Variants in MYLK3 observed in about 807,000 individuals in gnomAD.
MYLK3 encodes myosin light chain kinase 3.
Under a neutral mutation model 76.3 loss-of-function variants are expected in MYLK3, and 55 were observed. That is an observed-to-expected ratio of 0.72 (90% confidence interval 0.58 to 0.90). MYLK3 has a LOEUF of 0.90. Ranked by LOEUF, MYLK3 falls within the 40% of genes least tolerant of loss-of-function variation. The pLI is 0.00. For missense variants in MYLK3, 973 were observed against 1,053.6 expected, an observed-to-expected ratio of 0.92 and a Z score of 1.06; for synonymous variants, 416 against 425.4, an observed-to-expected ratio of 0.98 and a Z score of 0.27.
At position 46,702,956 on chromosome 16, in the gene MYLK3, TAAA is replaced by T. The variant is rs35322648; in HGVS notation, c.*4745_*4747del. Among the ~76,000 whole-genome samples the T allele has an allele frequency of 4.1e-4, 52 of 126,000 alleles. No individual in the cohort carries two copies. Among genetic ancestry groups the T allele is most frequent in the Admixed American group, 6.7e-4 (8 of 11,866 alleles). The allele number at this position is 126,000 out of a possible 152,430, so 82.7% of individuals were successfully genotyped here. A position where few individuals can be genotyped will look rare whatever the true frequency, so the allele number is the denominator to read the frequency against. ...AAAAAAAAGGAATACATGCTCATTG[TAAA>T]AAAAAAAAAAAAAAAGATTCAAAAG... On this transcript the variant is annotated 3_prime_UTR_variant, in exon 13 of 13. Transcript: ENST00000394809.
chr16:46,710,565 G>C, intron 11 of MYLK3, 72 bp downstream of exon 11: 2 of 1,549,348 alleles, frequency 1.3e-6, no homozygotes, highest in Non-Finnish European at 1.8e-6. Flanking sequence ...TTCACGGTCA[G>C]CAGTCCTGCC....
At chr16:46,715,206 T>C (rs1966724590) in intron 9 of MYLK3, among the ~76,000 whole-genome samples, 1 of 152,270 alleles carries the variant, frequency 6.6e-6, no homozygotes. Flanking sequence ...TAATTCTTAC[T>C]AATGGCTGTG....
At chr16:46,728,952 G>A (rs1382024186) in intron 7 of MYLK3, 72 bp downstream of exon 7, 9 of 1,119,372 alleles carry the variant, frequency 8.0e-6, no homozygotes, top group Admixed American at 7.2e-5. Context: ...GCTTTGCCTC[G>A]AATGAAGGCT....
rs551968898 is a variant in MYLK3 at position 46,740,144 on chromosome 16, T to C, written c.481A>G (p.Lys161Glu). Residue 161 changes from lysine (K) to glutamate (E), a missense_variant, in exon 2 of 13, where the codon AAA becomes GAA. Transcript: ENST00000394809. ...GSPGDSPEEN[K>E]ERVEEEGGKP... is the part of the protein sequence containing the mutation. ...CCTCCCTCTTCTTCCACTCGCTCTTTATTCTAAAATAACAACCATAAAAAA... is the reference window on the plus strand; with the variant it reads ...CCTCCCTCTTCTTCCACTCGCTCTTCATTCTAAAATAACAACCATAAAAAA... 1 of 1,613,204 alleles carries C rather than the reference T, an allele frequency of 6.2e-7. No individual in the cohort carries two copies. Among genetic ancestry groups the C allele is most frequent in the South Asian group, 1.1e-5 (1 of 91,032 alleles).
At chr16:46,719,801 T>C (rs1361867446) in intron 9 of MYLK3, among the ~76,000 whole-genome samples, 1 of 152,106 alleles carries the variant, frequency 6.6e-6, no homozygotes, top group African/African-American at 2.4e-5. Context: ...CCATGGGTAG[T>C]GTGGCACCCC....
At position 46,737,777 on chromosome 16, in the gene MYLK3, C is replaced by T; in HGVS notation, c.935G>A (p.Cys312Tyr). The change falls in exon 3 of 13, where the codon TGC (cysteine) becomes TAC (tyrosine). Residue 312 changes from cysteine (C) to tyrosine (Y), a missense_variant. Coordinates refer to ENST00000394809, the MANE Select transcript of MYLK3 (RefSeq NM_182493.3). The part of the protein sequence containing the change: ...TRLTPGPGPQ[C>Y]PGPPGLPAQA... Reference sequence around the variant, plus strand: ...GGCTGGCAGCCCTGGAGGCCCTGGGCACTGAGGGCCAGGCCCTGGAGTCAG... The same window carrying T: ...GGCTGGCAGCCCTGGAGGCCCTGGGTACTGAGGGCCAGGCCCTGGAGTCAG... 6.2e-7 allele frequency: 1 copy of T among 1,611,730 alleles called. No homozygotes were observed. The highest frequency in any genetic ancestry group is 1.1e-5 in the South Asian group (1 of 91,002).
At chr16:46,731,348 T>C (rs749432284) in intron 4 of MYLK3, among the ~76,000 whole-genome samples, 3 of 152,252 alleles carry the variant, frequency 2.0e-5, no homozygotes, top group Non-Finnish European at 4.4e-5. Context: ...TTTAGGGTTG[T>C]TTTATTTTAA....
chr16:46,711,031 C>A (rs924264897), intron 10 of MYLK3: 13 of 510,012 alleles, frequency 2.5e-5, no homozygotes, highest in Middle Eastern at 1.1e-3. Flanking sequence ...CTTGTGCTCA[C>A]CTCTTTCCAC....
At chr16:46,727,501 A>G in intron 7 of MYLK3, 124 bp from the exon 8 acceptor site, 1 of 1,045,198 alleles carries the variant, frequency 9.6e-7, no homozygotes, top group Non-Finnish European at 1.3e-6. Flanking sequence ...CATGGGTCAC[A>G]GGGCTGCTGC....
At chr16:46,743,745 C>A (rs1005785272) in intron 1 of MYLK3, among the ~76,000 whole-genome samples, 1 of 151,920 alleles carries the variant, frequency 6.6e-6, no homozygotes, top group African/African-American at 2.4e-5. Context: ...AGTGCTCTTA[C>A]AAATCAATAA....
intron 1 of MYLK3, among the ~76,000 whole-genome samples, chr16:46,744,534 G>C (rs1429858543): frequency 6.6e-6 from 1 of 151,188 alleles, no homozygotes; most frequent in Admixed American, 6.6e-5. Context: ...TAAAGACAGG[G>C]TTTCAGCATG....
chr16:46,752,533 TA>T (rs796516416), upstream of MYLK3, among the ~76,000 whole-genome samples: 48 of 149,508 alleles, frequency 3.2e-4, no homozygotes, highest in African/African-American at 8.3e-4. Context: ...ACTTAAAAGT[TA>T]AAAAAAAAAC....
intron 1 of MYLK3, among the ~76,000 whole-genome samples, chr16:46,760,552 G>A (rs919103053): frequency 6.6e-6 from 1 of 152,180 alleles, no homozygotes; most frequent in African/African-American, 2.4e-5. Context: ...TGGGACAGTC[G>A]CTAACTGCAA....
chr16:46,728,898 T>C (rs549953333), intron 7 of MYLK3, 126 bp downstream of exon 7: 32 of 685,380 alleles, frequency 4.7e-5, no homozygotes, highest in Non-Finnish European at 7.3e-5. Flanking sequence ...GAAGACAGGA[T>C]GACACGACCC....
At chr16:46,709,328 G>A (rs543088448) in intron 12 of MYLK3, among the ~76,000 whole-genome samples, 3 of 151,886 alleles carry the variant, frequency 2.0e-5, no homozygotes, top group Non-Finnish European at 4.4e-5. Flanking sequence ...AGGCTGAGGT[G>A]GGAGGATTGC....
chr16:46,734,661 G>C (rs1966860298), intron 3 of MYLK3, among the ~76,000 whole-genome samples: 2 of 152,080 alleles, frequency 1.3e-5, no homozygotes, highest in Non-Finnish European at 2.9e-5. Flanking sequence ...TGATTCCACT[G>C]ATATTAGGAC....
In MYLK3 at chr16:46,709,592, G is replaced by A. The variant is rs374756967; in HGVS notation, c.2347C>T (p.Arg783Cys). 2.2e-5 allele frequency: 35 copies of A among 1,614,158 alleles called. No homozygotes were observed. Among genetic ancestry groups the A allele is most frequent in the South Asian group, 2.0e-4 (18 of 91,076 alleles). Reference sequence around the variant, plus strand: ...TGCAGCAGTAGTTGGGATTTGAGACGAGTTTTGGATCTTGAAGCTTTGGCA... The same window carrying A: ...TGCAGCAGTAGTTGGGATTTGAGACAAGTTTTGGATCTTGAAGCTTTGGCA... Reference protein sequence around the residue: ...LPAKASRSKTRLKSQLLLQKY... With the variant: ...LPAKASRSKTCLKSQLLLQKY... The change falls in exon 12 of 13, where the codon CGT becomes TGT. Residue 783 changes from arginine (R) to cysteine (C), a missense_variant. Arg to Cys is a radical substitution (Grantham distance 180, BLOSUM62 -3). Around this residue, in one of 2 missense-constraint regions of MYLK3, gnomAD observed 332 missense variants for 416.6 expected, o/e 0.80. Coordinates refer to ENST00000394809, the MANE Select transcript of MYLK3 (RefSeq NM_182493.3).
intron 10 of MYLK3, among the ~76,000 whole-genome samples, chr16:46,712,244 G>C (rs908870253): frequency 1.3e-5 from 2 of 151,442 alleles, no homozygotes; most frequent in Admixed American, 1.3e-4. Context: ...CTCCCACCTT[G>C]GCCTCCCAAA....
At chr16:46,722,893 G>T (rs1966813670) in intron 8 of MYLK3, among the ~76,000 whole-genome samples, 1 of 152,152 alleles carries the variant, frequency 6.6e-6, no homozygotes, top group South Asian at 2.1e-4. Flanking sequence ...TGTATTTTTA[G>T]TTGAGACGGG....
Sources: allele counts gnomAD v4.1 joint callset (sites outside exome capture counted in the v4.1 genomes callset), GRCh38; gene constraint gnomAD v4.1.1; regional missense constraint gnomAD v4.1.1; transcripts MANE v1.5; gene names NCBI Gene and HGNC (gene_info 2026-07-23, HGNC 2026-07-21).